Variants in WDHD1 observed in about 807,000 individuals in gnomAD.
The protein encoded by WDHD1 is WD repeat and HMG-box DNA-binding protein 1.
In WDHD1, 111 loss-of-function variants were observed where a neutral mutation model predicts 135.4. That is an observed-to-expected ratio of 0.82 (90% CI 0.70 to 0.96). The LOEUF is 0.96. Among genes scored for constraint, WDHD1 ranks in the 40% least tolerant of loss-of-function variants. The pLI is 0.00. For synonymous variants in WDHD1, 434 were observed against 439.0 expected, an observed-to-expected ratio of 0.99 and a Z score of 0.14; for missense variants, 1,351 against 1,336.3, an observed-to-expected ratio of 1.01 and a Z score of -0.17.
At chr14:54,978,922 C>G (rs1195211738) in intron 16 of WDHD1, among the ~76,000 whole-genome samples, 4 of 152,186 alleles carry the variant, frequency 2.6e-5, no homozygotes, top group African/African-American at 7.2e-5. Context: ...CTTTCCAGAA[C>G]TGATGAAATG....
chr14:55,000,463 A>G (rs774752625), intron 10 of WDHD1, 40 bp downstream of exon 10: 2 of 1,530,408 alleles, frequency 1.3e-6, no homozygotes, highest in Admixed American at 2.1e-5. Flanking sequence ...ATGATCACAG[A>G]AACATTTTGA....
intron 24 of WDHD1, among the ~76,000 whole-genome samples, chr14:54,944,891 A>G (rs2040897788): frequency 6.6e-6 from 1 of 152,144 alleles, no homozygotes; most frequent in African/African-American, 2.4e-5. Context: ...TACAGGCATA[A>G]GCCACCGTGC....
chr14:54,966,355 C>CAAAAA, intron 18 of WDHD1, 120 bp downstream of exon 18: 268 of 1,194,534 alleles, frequency 2.2e-4, no homozygotes, highest in Middle Eastern at 9.5e-4. Flanking sequence ...ACAACAACAA[C>CAAAAA]AAAAAAAAAC....
chr14:54,941,259 T>C lies in WDHD1; in HGVS notation c.*231A>G. 1 of 346,128 alleles carries C rather than the reference T, an allele frequency of 2.9e-6. No homozygotes were observed. The highest frequency in any genetic ancestry group is 5.1e-6 in the Non-Finnish European group (1 of 194,550). 21.4% of individuals were successfully genotyped at this position (346,128 alleles called of 1,614,324 possible). Reference sequence around the variant, plus strand: ...TTCAACTCAGTAATTACAATCACAATGCATCTCTGAAAGGCCCTGCATTTG... The same window carrying C: ...TTCAACTCAGTAATTACAATCACAACGCATCTCTGAAAGGCCCTGCATTTG... On this transcript the variant is annotated 3_prime_UTR_variant, in exon 26 of 26. Transcript: ENST00000360586.
chr14:54,956,145 G>A (rs536774214), intron 23 of WDHD1, among the ~76,000 whole-genome samples: 79 of 151,914 alleles, frequency 5.2e-4, no homozygotes, highest in African/African-American at 1.6e-3. Flanking sequence ...TGACTAATCC[G>A]GGATCAAATA....
intron 15 of WDHD1, among the ~76,000 whole-genome samples, chr14:54,982,865 T>G (rs1395761103): frequency 6.6e-6 from 1 of 152,128 alleles, no homozygotes; most frequent in African/African-American, 2.4e-5. Context: ...ACAGGTGATT[T>G]AAAATAAGGT....
At chr14:55,009,264 A>G (rs1167806257) in intron 4 of WDHD1, among the ~76,000 whole-genome samples, 1 of 152,168 alleles carries the variant, frequency 6.6e-6, no homozygotes, top group African/African-American at 2.4e-5. Context: ...TTACATCTTA[A>G]GCTTCTATTA....
intron 24 of WDHD1, among the ~76,000 whole-genome samples, chr14:54,948,271 G>A (rs568619564): frequency 6.2e-4 from 95 of 152,258 alleles, no homozygotes; most frequent in South Asian, 2.1e-4. Context: ...CACCCGGGAA[G>A]CGCAAGGGGT....
chr14:55,002,258 A>G, intron 7 of WDHD1, 73 bp from the exon 8 acceptor site: 1 of 1,003,930 alleles, frequency 1.0e-6, no homozygotes, highest in Non-Finnish European at 1.5e-6. Flanking sequence ...AAGGCACAAA[A>G]TTCATTCAGA....
intron 14 of WDHD1, 97 bp from the exon 15 acceptor site, chr14:54,984,957 C>T: frequency 6.9e-7 from 1 of 1,458,012 alleles, no homozygotes. Flanking sequence ...TGGTAAATTA[C>T]TAGACTGACT....
intron 11 of WDHD1, 152 bp downstream of exon 11, chr14:54,995,451 C>T: frequency 1.8e-6 from 1 of 554,514 alleles, no homozygotes; most frequent in South Asian, 5.0e-5. Context: ...AGATTTGAAA[C>T]CTTTTTTAAC....
intron 2 of WDHD1, among the ~76,000 whole-genome samples, chr14:55,017,506 G>A (rs111860454): frequency 0.038 from 5,844 of 152,038 alleles, 352 homozygotes; most frequent in African/African-American, 0.13. Flanking sequence ...CCCACACCTG[G>A]CTAAATTTCG....
intron 14 of WDHD1, among the ~76,000 whole-genome samples, chr14:54,985,104 G>A (rs2041676315): frequency 1.3e-5 from 2 of 152,124 alleles, no homozygotes. Context: ...TTTACAGAGA[G>A]CTTACTACAC....
chr14:55,014,995 GTCACCT>G (rs1441357321), intron 2 of WDHD1, among the ~76,000 whole-genome samples: 1 of 152,100 alleles, frequency 6.6e-6, no homozygotes, highest in Non-Finnish European at 1.5e-5. Flanking sequence ...TGAAGTCTAG[GTCACCT>G]ATTTAGAATA....
chr14:54,966,069 C>T (rs2041335893), intron 18 of WDHD1, among the ~76,000 whole-genome samples: 1 of 150,200 alleles, frequency 6.7e-6, no homozygotes, highest in South Asian at 2.1e-4. Flanking sequence ...TGGCTCACAC[C>T]TGTAATCCCA....
In WDHD1 at chr14:54,939,056, T is replaced by C. The variant is rs1166628696; in HGVS notation, c.*2434A>G. ...AAAAATCCTGTCTATAAAGCATACA[T>C]GATAAAATGTCAACAATAAGACAAA... On this transcript the variant is annotated 3_prime_UTR_variant, in exon 26 of 26. Transcript: ENST00000360586. 1 of 152,126 alleles carries C rather than the reference T, an allele frequency of 6.6e-6. No individual in the cohort carries two copies. The highest frequency in any genetic ancestry group is 1.5e-5 in the Non-Finnish European group (1 of 68,028). 9.4% of individuals were successfully genotyped at this position (152,126 alleles called of 1,614,324 possible).
At chr14:54,952,624 C>T (rs577969231) in intron 24 of WDHD1, among the ~76,000 whole-genome samples, 1 of 152,310 alleles carries the variant, frequency 6.6e-6, no homozygotes, top group African/African-American at 2.4e-5. Context: ...ACTTTCTTCA[C>T]AGAATTGGAA....
At chr14:54,956,297 G>A (rs900121247) in intron 23 of WDHD1, among the ~76,000 whole-genome samples, 1 of 151,930 alleles carries the variant, frequency 6.6e-6, no homozygotes, top group African/African-American at 2.4e-5. Flanking sequence ...GAGCTTCTGG[G>A]GTCTGAGTAT....
rs746440437 is a variant in WDHD1, at chr14:54,968,519, A to G, written c.2064-1125T>C. ...AAGAAATAACTAAAATAACAGCAGA[A>G]CTAAACAAAATTGAGACTAAAGAAT... On this transcript the variant is annotated intron_variant, in intron 16 of 25. Transcript: ENST00000360586. Among the ~76,000 whole-genome samples the G allele has an allele frequency of 2.0e-5, 3 of 152,294 alleles. No individual in the cohort carries two copies. The South Asian group carries it at 6.2e-4, about 32-fold the overall frequency.
Sources: gnomAD v4.1 joint callset for allele counts (sites outside exome capture counted in the v4.1 genomes callset) on GRCh38, gnomAD v4.1.1 for gene constraint, MANE v1.5 for transcripts, NCBI Gene and HGNC (gene_info 2026-07-23, HGNC 2026-07-21) for gene names.